PRAG1: variants seen among roughly 807,000 people sequenced by gnomAD.
PRAG1 encodes the protein inactive tyrosine-protein kinase PRAG1.
Under a neutral mutation model 95.6 loss-of-function variants are expected in PRAG1, and 110 were observed. The observed-to-expected ratio is 1.15, with a 90% CI of 0.99 to 1.35. The LOEUF (loss-of-function observed/expected upper bound fraction) is 1.35, where lower values mean the gene tolerates loss of function less well. Ranked by LOEUF, PRAG1 falls within the 40% of genes most tolerant of loss-of-function variation. The pLI is 0.00. For synonymous variants in PRAG1, 1,052 were observed against 819.4 expected, an observed-to-expected ratio of 1.28 and a Z score of -4.85; for missense variants, 2,554 against 1,864.7, an observed-to-expected ratio of 1.37 and a Z score of -6.81.
chr8:8,319,387 T>G, intron 5 of PRAG1, 85 bp from the exon 6 acceptor site: 1 of 1,176,838 alleles, frequency 8.5e-7, no homozygotes, highest in Non-Finnish European at 1.2e-6. Context: ...AGTATCTACG[T>G]GCAATAAGCC....
At chr8:8,346,026 A>T (rs1041000245) in intron 3 of PRAG1, among the ~76,000 whole-genome samples, 9 of 152,242 alleles carry the variant, frequency 5.9e-5, no homozygotes, top group African/African-American at 2.2e-4. Context: ...TAGACTTCTT[A>T]AGAATCCCTG....
chr8:8,328,094 TGCTGCCGGAAGCCA>T lies in PRAG1; in HGVS notation c.2674_2687del (p.Trp892ArgfsTer75). On this transcript the variant is annotated frameshift_variant, in exon 5 of 6. Coordinates refer to ENST00000615670, the MANE Select transcript of PRAG1 (RefSeq NM_001080826.3). LOFTEE classifies it high-confidence loss of function. ...AGCCGCCTCTGTTGCCCGCCAGCCC[TGCTGCCGGAAGCCA>T]GTGGCCACTGCCTTTGAAAGCTTTC... The T allele has an allele frequency of 6.2e-7, 1 of 1,611,062 alleles. No individual in the cohort carries two copies. Among genetic ancestry groups the T allele is most frequent in the Non-Finnish European group, 8.5e-7 (1 of 1,177,666 alleles).
At chr8:8,341,810 C>G (rs1216132711) in intron 3 of PRAG1, among the ~76,000 whole-genome samples, 1 of 152,120 alleles carries the variant, frequency 6.6e-6, no homozygotes, top group Non-Finnish European at 1.5e-5. Flanking sequence ...CTGTCCTTGT[C>G]CAATTTGGAT....
chr8:8,333,763 G>A (rs964394884), intron 4 of PRAG1, among the ~76,000 whole-genome samples: 6 of 152,216 alleles, frequency 3.9e-5, no homozygotes, highest in East Asian at 1.9e-4. Flanking sequence ...AAAGGGCAGC[G>A]TCCCAACTAA....
At chr8:8,330,748 C>T (rs912433282) in intron 4 of PRAG1, among the ~76,000 whole-genome samples, 4 of 152,156 alleles carry the variant, frequency 2.6e-5, no homozygotes, top group Non-Finnish European at 4.4e-5. Context: ...CCCCATCCCA[C>T]GCTCCCCAGG....
intron 5 of PRAG1, among the ~76,000 whole-genome samples, chr8:8,325,782 C>T (rs1798618844): frequency 6.6e-6 from 1 of 151,700 alleles, no homozygotes; most frequent in Non-Finnish European, 1.5e-5. Context: ...GGTGAGGGGG[C>T]GGCGCCTGTA....
At chr8:8,347,704 G>C (rs1322076705) in intron 3 of PRAG1, among the ~76,000 whole-genome samples, 1 of 152,152 alleles carries the variant, frequency 6.6e-6, no homozygotes, top group Admixed American at 6.5e-5. Context: ...GCGCTGTTAG[G>C]TGTTGGGGAT....
chr8:8,376,788 T>A lies in PRAG1; in HGVS notation c.1621A>T (p.Arg541Trp), dbSNP rs1585277442. The stretch of plus-strand genomic sequence containing the variant: ...GACAACTTGGGGGGAATGGCGGGCC[T>A]CTCCTTGGGCTTGCTCTCGCTGGCA... ...HSASESKPKE[R>W]PAIPPKLSKS... The change falls in exon 3 of 6, where the codon AGG (arginine) becomes TGG (tryptophan). Residue 541 changes from arginine to tryptophan, a missense_variant. Transcript: ENST00000615670. The A allele has an allele frequency of 6.2e-7, 1 of 1,610,946 alleles. No homozygotes were observed. The highest frequency in any genetic ancestry group is 8.5e-7 in the Non-Finnish European group (1 of 1,179,840).
Position 8,319,235 on chromosome 8 carries a change from A to T in PRAG1, c.3140T>A (p.Ile1047Asn), listed in dbSNP as rs767886818. 1 of 1,564,070 alleles carries T rather than the reference A, an allele frequency of 6.4e-7. No individual in the cohort carries two copies. The highest frequency in any genetic ancestry group is 8.7e-7 in the Non-Finnish European group (1 of 1,149,588). Residue 1047 changes from isoleucine to asparagine, a missense_variant, in exon 6 of 6, where the codon ATC becomes AAC. Physicochemically the swap from Ile to Asn is moderately radical, Grantham distance 149. Coordinates refer to ENST00000615670, the MANE Select transcript of PRAG1 (RefSeq NM_001080826.3). ...CSPSVPVHFN[I>N]QQDCGHFVAS... ...GACGAAGTGGCCGCAGTCCTGCTGG[A>T]TGTTAAAGTGCACGGGCACGGACGG...
At chr8:8,369,455 C>G (rs931386254) in intron 3 of PRAG1, among the ~76,000 whole-genome samples, 1 of 152,158 alleles carries the variant, frequency 6.6e-6, no homozygotes, top group Non-Finnish European at 1.5e-5. Context: ...ACACTGCATT[C>G]AAAGCAATTT....
At chr8:8,335,604 A>C (rs1466183250) in intron 4 of PRAG1, among the ~76,000 whole-genome samples, 1 of 152,238 alleles carries the variant, frequency 6.6e-6, no homozygotes, top group African/African-American at 2.4e-5. Flanking sequence ...ATTCAGTTTA[A>C]CGGGGAAGGT....
At chr8:8,363,283 C>A (rs148649388) in intron 3 of PRAG1, among the ~76,000 whole-genome samples, 648 of 152,004 alleles carry the variant, frequency 4.3e-3, no homozygotes, top group Non-Finnish European at 7.2e-3. Context: ...TTTGAAGATA[C>A]CAAAAATTTT....
intron 5 of PRAG1, among the ~76,000 whole-genome samples, chr8:8,323,560 G>T (rs189183731): frequency 1.4e-4 from 21 of 151,934 alleles, no homozygotes; most frequent in African/African-American, 4.8e-4. Context: ...TCCTGACCTC[G>T]TGATCTACCT....
At chr8:8,337,470 AAG>A (rs950633457) in intron 4 of PRAG1, among the ~76,000 whole-genome samples, 7 of 151,518 alleles carry the variant, frequency 4.6e-5, no homozygotes, top group Admixed American at 6.6e-5. Context: ...TGTCAAAAAG[AAG>A]AGAGAGAGAG....
At chr8:8,345,413 T>C (rs923321412) in intron 3 of PRAG1, among the ~76,000 whole-genome samples, 2 of 148,800 alleles carry the variant, frequency 1.3e-5, no homozygotes, top group Non-Finnish European at 3.0e-5. Flanking sequence ...AAATCAGAAA[T>C]CAGTAGGCAT....
In PRAG1 at chr8:8,376,946, A is replaced by G. The variant is rs1400484821; in HGVS notation, c.1463T>C (p.Ile488Thr). The G allele has an allele frequency of 3.1e-6, 5 of 1,613,270 alleles. No individual in the cohort carries two copies. In the African/African-American group the frequency reaches 6.7e-5, roughly 22 times the overall value. The change falls in exon 3 of 6, where the codon ATC (isoleucine) becomes ACC (threonine). Residue 488 changes from isoleucine to threonine, a missense_variant. Physicochemically the swap from Ile to Thr is moderately conservative, Grantham distance 89. Coordinates refer to ENST00000615670, the MANE Select transcript of PRAG1 (RefSeq NM_001080826.3). ...TGCAGAGTCAGGGCTGCTCAGGTAG[A>G]TCGTCCGATGGTCCTCTTCCGGGTG... ...AAHPEEDHRT[I>T]YLSSPDSAVG...
At chr8:8,370,729 C>A (rs2979166) in intron 3 of PRAG1, among the ~76,000 whole-genome samples, 84,401 of 152,012 alleles carry the variant, frequency 0.56, 24,632 homozygotes, top group East Asian at 0.75. Flanking sequence ...TACAGGAGAG[C>A]CCACACAGTG....
chr8:8,384,608 CAAAAAAAA>C lies in PRAG1; in HGVS notation c.-88+1705_-88+1712del, dbSNP rs11400182. ...AACAGAATTTACCACCGCATGCAGC[CAAAAAAAA>C]AAAAAAAAAAAAAAAACCTCTTTTC... On this transcript the variant is annotated intron_variant, in intron 1 of 5. Transcript: ENST00000615670. 1.7e-4 allele frequency among the ~76,000 whole-genome samples: 16 copies of C among 92,448 alleles called. No homozygotes were observed. In the South Asian group the frequency reaches 2.4e-3, roughly 14 times the overall value. 60.6% of individuals were successfully genotyped at this position (92,448 alleles called of 152,430 possible).
chr8:8,348,590 G>C (rs1799421820), intron 3 of PRAG1, among the ~76,000 whole-genome samples: 1 of 152,038 alleles, frequency 6.6e-6, no homozygotes, highest in African/African-American at 2.4e-5. Context: ...AAGCACCAAA[G>C]TGCTCCTTCT....
Sources: allele counts gnomAD v4.1 joint callset (sites outside exome capture counted in the v4.1 genomes callset), GRCh38; gene constraint gnomAD v4.1.1; transcripts MANE v1.5; gene names NCBI Gene and HGNC (gene_info 2026-07-23, HGNC 2026-07-21).